TGFBR3: variants seen among roughly 807,000 people sequenced by gnomAD.
TGFBR3 encodes the protein transforming growth factor beta receptor type 3.
TGFBR3 carries 46 observed loss-of-function variants against 87.9 expected under a neutral mutation model. That is an observed-to-expected ratio of 0.52 (90% CI 0.41 to 0.67). The LOEUF (loss-of-function observed/expected upper bound fraction) is 0.67, where lower values mean the gene tolerates loss of function less well. Ranked by LOEUF, TGFBR3 falls within the 30% of genes least tolerant of loss-of-function variation. TGFBR3 has a pLI of 0.00. For synonymous variants in TGFBR3, 381 were observed against 391.6 expected (o/e 0.97, Z 0.32); for missense variants, 866 against 1,041.9 (o/e 0.83, Z 2.32).
At chr1:91,718,530 C>T (rs1182695592) in intron 10 of TGFBR3, among the ~76,000 whole-genome samples, 4 of 146,162 alleles carry the variant, frequency 2.7e-5, no homozygotes, top group Non-Finnish European at 4.5e-5. Context: ...TTATTTTTAC[C>T]ATTAAAAGTA....
chr1:91,728,275 A>G (rs1672617475), intron 6 of TGFBR3, among the ~76,000 whole-genome samples: 1 of 152,146 alleles, frequency 6.6e-6, no homozygotes, highest in South Asian at 2.1e-4. Context: ...GTAAAAAAAA[A>G]AATTAGGAAA....
intron 1 of TGFBR3, among the ~76,000 whole-genome samples, chr1:91,868,115 G>A (rs573405678): frequency 1.3e-5 from 2 of 152,070 alleles, no homozygotes; most frequent in Admixed American, 6.5e-5. Flanking sequence ...ACAGGGTTTC[G>A]CCATGTTGGC....
At chr1:91,791,818 G>A (rs1675203823) in intron 3 of TGFBR3, among the ~76,000 whole-genome samples, 3 of 152,176 alleles carry the variant, frequency 2.0e-5, no homozygotes, top group Admixed American at 2.0e-4. Flanking sequence ...TCCCTTTCAG[G>A]CTGACGACAA....
In TGFBR3 at chr1:91,727,926, ATC is replaced by A. The variant is rs1672605868; in HGVS notation, c.738-122_738-121del. On this transcript the variant is annotated intron_variant, in intron 6 of 16. Transcript: ENST00000212355. ...CCAGTTGATTAAAAAGCTGGAGTTGATCCCAGGCCAATGACATGTGCAAAACA... is the reference window on the plus strand; with the variant it reads ...CCAGTTGATTAAAAAGCTGGAGTTGACCAGGCCAATGACATGTGCAAAACA... 5.7e-5 allele frequency: 68 copies of A among 1,194,456 alleles called. No individual in the cohort carries two copies. In the South Asian group the frequency reaches 7.8e-4, roughly 14 times the overall value. 74.0% of individuals were successfully genotyped at this position (1,194,456 alleles called of 1,614,324 possible). A position where few individuals can be genotyped will look rare whatever the true frequency, so the allele number is the denominator to read the frequency against.
chr1:91,861,239 A>G (rs1277030944), intron 2 of TGFBR3, among the ~76,000 whole-genome samples: 1 of 152,082 alleles, frequency 6.6e-6, no homozygotes, highest in Admixed American at 6.6e-5. Flanking sequence ...TATCTCTACA[A>G]AAAATAAAAC....
At position 91,681,612 on chromosome 1, in the gene TGFBR3, A is replaced by T; in HGVS notation, c.*2127T>A. 7.4e-6 allele frequency: 3 copies of T among 405,906 alleles called. No homozygotes were observed. Among genetic ancestry groups the T allele is most frequent in the Non-Finnish European group, 1.4e-5 (3 of 212,038 alleles). 25.1% of individuals were successfully genotyped at this position (405,906 alleles called of 1,614,324 possible). A position where few individuals can be genotyped will look rare whatever the true frequency, so the allele number is the denominator to read the frequency against. ...TTTAACACGATGGAAAAGATTTTTT[A>T]AAAAAGCAAAGGACTGATCGAAAGA... On this transcript the variant is annotated 3_prime_UTR_variant, in exon 17 of 17. Coordinates refer to ENST00000212355, the MANE Select transcript of TGFBR3 (RefSeq NM_003243.5).
intron 2 of TGFBR3, among the ~76,000 whole-genome samples, chr1:91,892,218 A>C (rs1235712044): frequency 6.6e-6 from 1 of 152,202 alleles, no homozygotes; most frequent in East Asian, 1.9e-4. Context: ...TCAAAGTGAC[A>C]GTAAAACCCC....
rs376114836 is a variant in TGFBR3, at chr1:91,734,887, A to G, written c.457T>C (p.Phe153Leu). The G allele has an allele frequency of 3.7e-5, 59 of 1,614,076 alleles. 1 individual carries two copies. Among genetic ancestry groups the G allele is most frequent in the Non-Finnish European group, 3.2e-5 (38 of 1,180,028 alleles). Residue 153 changes from phenylalanine to leucine, a missense_variant, in exon 5 of 17, where the codon TTC becomes CTC. By Grantham distance (22) the Phe-to-Leu change is conservative. Coordinates refer to ENST00000212355, the MANE Select transcript of TGFBR3 (RefSeq NM_003243.5). Reference protein sequence around the residue: ...SLTAETEERNFPHGNEHLLNW... With the variant: ...SLTAETEERNLPHGNEHLLNW... ...AACAGATGTTCATTTCCATGGGGGA[A>G]GTTCCTTTCTTCTGTTTCTGCTGTC...
chr1:91,739,563 C>G (rs917905949), intron 4 of TGFBR3, among the ~76,000 whole-genome samples: 4 of 152,166 alleles, frequency 2.6e-5, no homozygotes, highest in Non-Finnish European at 5.9e-5. Context: ...GTGACTCATA[C>G]GTACACTCCC....
At chr1:91,849,190 C>T (rs1411762091) in intron 2 of TGFBR3, among the ~76,000 whole-genome samples, 1 of 152,190 alleles carries the variant, frequency 6.6e-6, no homozygotes, top group Non-Finnish European at 1.5e-5. Flanking sequence ...CTCAGCCCAG[C>T]AGCCAGAGTG....
chr1:91,710,430 T>G (rs778001642), intron 13 of TGFBR3, among the ~76,000 whole-genome samples: 4 of 152,196 alleles, frequency 2.6e-5, no homozygotes, highest in Non-Finnish European at 5.9e-5. Context: ...AGCAAGAGTC[T>G]ATGATTCCGC....
At chr1:91,819,980 T>C (rs1222789719) in intron 2 of TGFBR3, among the ~76,000 whole-genome samples, 1 of 152,210 alleles carries the variant, frequency 6.6e-6, no homozygotes, top group Non-Finnish European at 1.5e-5. Context: ...CAGTCTTAGT[T>C]CCAGATAAAC....
Position 91,797,355 on chromosome 1 carries a change from G to A in TGFBR3, c.178C>T (p.Leu60=). Residue 60 remains leucine (L), a synonymous_variant, in exon 3 of 17, where the codon CTG becomes TTG. Coordinates refer to ENST00000212355, the MANE Select transcript of TGFBR3 (RefSeq NM_003243.5). ...TTCAGGACATGCACCTCCTGTGGCA[G>A]CCCAGTTGTGCCTCTGCTGGCACAG... The part of the protein sequence containing the change: ...SGCASRGTTG[L]PQEVHVLNLR... The A allele has an allele frequency of 6.2e-7, 1 of 1,614,232 alleles. No individual in the cohort carries two copies. The highest frequency in any genetic ancestry group is 1.1e-5 in the South Asian group (1 of 91,088).
chr1:91,808,158 C>T (rs1490355336), intron 2 of TGFBR3, among the ~76,000 whole-genome samples: 2 of 152,184 alleles, frequency 1.3e-5, no homozygotes, highest in Non-Finnish European at 2.9e-5. Context: ...CATGTACTCC[C>T]TGTAATCATG....
At chr1:91,751,269 T>TA (rs58882948) in intron 4 of TGFBR3, among the ~76,000 whole-genome samples, 6 of 152,094 alleles carry the variant, frequency 3.9e-5, no homozygotes, top group African/African-American at 9.7e-5. Context: ...GAATTTTTTT[T>TA]AAAAAAAGTT....
intron 12 of TGFBR3, among the ~76,000 whole-genome samples, chr1:91,714,009 T>C (rs944491724): frequency 6.7e-6 from 1 of 149,890 alleles, no homozygotes; most frequent in Non-Finnish European, 1.5e-5. Context: ...TTTTTTAATA[T>C]ATTTTATGTA....
At position 91,683,682 on chromosome 1, in the gene TGFBR3, G is replaced by A; in HGVS notation, c.*57C>T. ...GGCTCAGCCATTGGTCCTGCCCTTG[G>A]CAGTAGCTGAGCTGAGCTGGGCTGG... On this transcript the variant is annotated 3_prime_UTR_variant, in exon 17 of 17. Coordinates refer to ENST00000212355, the MANE Select transcript of TGFBR3 (RefSeq NM_003243.5). 1 of 1,405,742 alleles carries A rather than the reference G, an allele frequency of 7.1e-7. No homozygotes were observed. The highest frequency in any genetic ancestry group is 2.0e-5 in the Admixed American group (1 of 50,506). The allele number at this position is 1,405,742 out of a possible 1,614,324, so 87.1% of individuals were successfully genotyped here. A position where few individuals can be genotyped will look rare whatever the true frequency, so the allele number is the denominator to read the frequency against.
At chr1:91,893,997 A>C (rs1679498848) in intron 2 of TGFBR3, among the ~76,000 whole-genome samples, 1 of 151,426 alleles carries the variant, frequency 6.6e-6, no homozygotes, top group African/African-American at 2.4e-5. Context: ...TGGGAGGCCA[A>C]AGTGGGTGGA....
At chr1:91,794,167 C>A (rs1392179456) in intron 3 of TGFBR3, among the ~76,000 whole-genome samples, 1 of 151,188 alleles carries the variant, frequency 6.6e-6, no homozygotes, top group Non-Finnish European at 1.5e-5. Context: ...AATTGTGCAA[C>A]CATTAAAATT....
Sources: gnomAD v4.1 joint callset for allele counts (sites outside exome capture counted in the v4.1 genomes callset) on GRCh38, gnomAD v4.1.1 for gene constraint, MANE v1.5 for transcripts, NCBI Gene and HGNC (gene_info 2026-07-23, HGNC 2026-07-21) for gene names.